The following SPOPL variants were observed in gnomAD, a reference collection of about 807,000 sequenced individuals.
SPOPL encodes the protein speckle-type POZ protein-like.
Under a neutral mutation model 53.8 loss-of-function variants are expected in SPOPL, and 23 were observed. The observed-to-expected ratio is 0.43, with a 90% CI of 0.31 to 0.61. The LOEUF (loss-of-function observed/expected upper bound fraction) is 0.61. SPOPL is among the 20% of genes least tolerant of loss of function. The pLI, the probability that SPOPL is intolerant of heterozygous loss-of-function variation, is 0.12. For synonymous variants in SPOPL, 164 were observed against 149.7 expected (o/e 1.10, Z -0.70); for missense variants, 442 against 466.9 (o/e 0.95, Z 0.49).
At chr2:138,537,501 G>A (rs118176358) in intron 1 of SPOPL, among the ~76,000 whole-genome samples, 31 of 152,290 alleles carry the variant, frequency 2.0e-4, no homozygotes, top group East Asian at 1.5e-3. Flanking sequence ...GGCCCAGGGC[G>A]TGGCATCGGG....
chr2:138,554,466 A>T (rs1465490867), intron 5 of SPOPL: 3 of 1,279,860 alleles, frequency 2.3e-6, no homozygotes, highest in Non-Finnish European at 3.1e-6. Context: ...GCAGAAGAGG[A>T]GGAAGCATTG....
intron 1 of SPOPL, among the ~76,000 whole-genome samples, chr2:138,539,883 G>T (rs993332185): frequency 6.6e-6 from 1 of 151,944 alleles, no homozygotes; most frequent in African/African-American, 2.4e-5. Flanking sequence ...ATGGTTTTAG[G>T]TCTAATAAGT....
At chr2:138,532,593 A>ATTTTTTTTTT (rs71301784) in intron 1 of SPOPL, among the ~76,000 whole-genome samples, 207 of 111,816 alleles carry the variant, frequency 1.9e-3, no homozygotes, top group Middle Eastern at 6.4e-3. Flanking sequence ...CGCCCGGCTA[A>ATTTTTTTTTT]TTTTTTTTTT....
chr2:138,537,810 T>G (rs939100241), intron 1 of SPOPL, among the ~76,000 whole-genome samples: 2 of 152,208 alleles, frequency 1.3e-5, no homozygotes, highest in Non-Finnish European at 1.5e-5. Flanking sequence ...TAAATTTTCT[T>G]GAATAAATGT....
chr2:138,514,076 G>A (rs1470168251), intron 1 of SPOPL, among the ~76,000 whole-genome samples: 7 of 152,064 alleles, frequency 4.6e-5, no homozygotes, highest in African/African-American at 1.7e-4. Flanking sequence ...TACATATATG[G>A]TTATGTGATC....
chr2:138,502,477 C>T (rs1389326574), intron 1 of SPOPL, among the ~76,000 whole-genome samples: 3 of 152,234 alleles, frequency 2.0e-5, no homozygotes, highest in Non-Finnish European at 2.9e-5. Context: ...CACACCTGCC[C>T]CTTTTTACCT....
chr2:138,564,644 G>T, intron 8 of SPOPL, 64 bp from the exon 9 acceptor site: 1 of 1,558,820 alleles, frequency 6.4e-7, no homozygotes, highest in Middle Eastern at 1.7e-4. Context: ...AGTTGCAAAT[G>T]TATCATGTAT....
intron 1 of SPOPL, among the ~76,000 whole-genome samples, chr2:138,544,315 A>T (rs575167359): frequency 0.011 from 1,654 of 152,296 alleles, 32 homozygotes; most frequent in African/African-American, 0.037. Flanking sequence ...TGTTTGTCTT[A>T]GCCCTGCCCC....
At chr2:138,518,581 T>G (rs1003044625) in intron 1 of SPOPL, among the ~76,000 whole-genome samples, 1 of 152,216 alleles carries the variant, frequency 6.6e-6, no homozygotes, top group African/African-American at 2.4e-5. Flanking sequence ...TATTCACCAT[T>G]GAAACAACAG....
intron 5 of SPOPL, among the ~76,000 whole-genome samples, chr2:138,554,017 A>T (rs1456906511): frequency 1.3e-5 from 2 of 152,100 alleles, no homozygotes; most frequent in Non-Finnish European, 2.9e-5. Context: ...ACAAAAACAA[A>T]AAATGACCAG....
At chr2:138,531,137 G>A (rs1213933795) in intron 1 of SPOPL, among the ~76,000 whole-genome samples, 2 of 150,866 alleles carry the variant, frequency 1.3e-5, no homozygotes, top group African/African-American at 4.9e-5. Flanking sequence ...GGAGTATTTG[G>A]GCTTATGTAT....
intron 1 of SPOPL, among the ~76,000 whole-genome samples, chr2:138,527,495 C>A (rs760363084): frequency 6.6e-6 from 1 of 152,136 alleles, no homozygotes; most frequent in Admixed American, 6.5e-5. Context: ...TTATCTTGCA[C>A]ATTAAACTTA....
chr2:138,511,428 T>A (rs552663686), intron 1 of SPOPL, among the ~76,000 whole-genome samples: 13 of 152,346 alleles, frequency 8.5e-5, no homozygotes, highest in Middle Eastern at 6.8e-3. Flanking sequence ...TCAAATTTCC[T>A]TATAGATTAT....
rs541843439 is a variant in SPOPL, at chr2:138,502,709, A to C, written c.-61+590A>C. 1.6e-3 allele frequency among the ~76,000 whole-genome samples: 238 copies of C among 152,266 alleles called. 1 individual carries two copies. Among genetic ancestry groups the C allele is most frequent in the African/African-American group, 5.4e-3 (225 of 41,538 alleles). ...ATACATTTTTGCTCACTTATACCAG[A>C]GTACATCAAGCTAACCGCGCGGTTC... On this transcript the variant is annotated intron_variant, in intron 1 of 10. Transcript: ENST00000280098.
At chr2:138,536,403 C>G (rs1296532449) in intron 1 of SPOPL, among the ~76,000 whole-genome samples, 1 of 152,018 alleles carries the variant, frequency 6.6e-6, no homozygotes, top group African/African-American at 2.4e-5. Context: ...TCTGGGGAAG[C>G]AGCCTTGGGT....
chr2:138,541,054 T>C (rs1685060992), intron 1 of SPOPL, among the ~76,000 whole-genome samples: 2 of 152,236 alleles, frequency 1.3e-5, no homozygotes, highest in African/African-American at 4.8e-5. Context: ...TTTATTGATT[T>C]GCATATGTTG....
chr2:138,564,659 G>C (rs1333363232), intron 8 of SPOPL, 49 bp from the exon 9 acceptor site: 2 of 1,600,398 alleles, frequency 1.2e-6, no homozygotes, highest in Admixed American at 3.4e-5. Flanking sequence ...ATGTATTCAG[G>C]AACTTAGTTG....
chr2:138,548,366 G>T (rs1191483940), intron 1 of SPOPL, among the ~76,000 whole-genome samples: 7 of 150,408 alleles, frequency 4.7e-5, no homozygotes, highest in Non-Finnish European at 8.9e-5. Flanking sequence ...ATGCTTTCAT[G>T]GACATCAAAT....
rs775773347 is a variant in SPOPL at position 138,555,132 on chromosome 2, G to GT, written c.480+2452dup. Among the ~76,000 whole-genome samples the GT allele has an allele frequency of 1.7e-3, 9 of 5,398 alleles. No homozygotes were observed. In the East Asian group the frequency reaches 0.025, roughly 15 times the overall value. The allele number at this position is 5,398 out of a possible 152,430, so 3.5% of individuals were successfully genotyped here. On this transcript the variant is annotated intron_variant, in intron 5 of 10. Transcript: ENST00000280098. ...GTGGGGGTTGTTGGAGGGTAGGAGG[G>GT]TGTGTGTGTGTGTGTGTGTGTGTGT...
Sources: allele counts gnomAD v4.1 joint callset (sites outside exome capture counted in the v4.1 genomes callset), GRCh38; gene constraint gnomAD v4.1.1; transcripts MANE v1.5; gene names NCBI Gene and HGNC (gene_info 2026-07-23, HGNC 2026-07-21).